The following KCNH7 variants were observed in gnomAD, a reference collection of about 807,000 sequenced individuals.
KCNH7 encodes the protein potassium voltage-gated channel subfamily H member 7.
A neutral mutation model predicts 120.8 loss-of-function variants in KCNH7; 49 were observed. The observed-to-expected ratio is 0.41, with a 90% CI of 0.32 to 0.51. KCNH7 has a LOEUF of 0.51. Among genes scored for constraint, KCNH7 ranks in the 20% least tolerant of loss-of-function variants. The pLI is 0.38. For missense variants in KCNH7, 1,097 were observed against 1,446.6 expected, an observed-to-expected ratio of 0.76 and a Z score of 3.92; for synonymous variants, 547 against 516.1, an observed-to-expected ratio of 1.06 and a Z score of -0.81.
intron 4 of KCNH7, among the ~76,000 whole-genome samples, chr2:162,513,988 A>G (rs1258452847): frequency 1.3e-5 from 2 of 151,818 alleles, no homozygotes; most frequent in African/African-American, 4.8e-5. Context: ...AATATGCATT[A>G]CTAGCTATGA....
chr2:162,679,703 A>C (rs531672710), intron 2 of KCNH7, among the ~76,000 whole-genome samples: 91 of 151,736 alleles, frequency 6.0e-4, no homozygotes, highest in African/African-American at 1.5e-3. Flanking sequence ...AATGCTTTAC[A>C]GTGTTGTTTT....
At chr2:162,826,857 A>G (rs1321414835) in intron 2 of KCNH7, among the ~76,000 whole-genome samples, 1 of 152,152 alleles carries the variant, frequency 6.6e-6, no homozygotes, top group Non-Finnish European at 1.5e-5. Flanking sequence ...GTGTTCCAAT[A>G]GAGAAAAGGA....
At chr2:162,759,221 A>C (rs914468390) in intron 2 of KCNH7, among the ~76,000 whole-genome samples, 10 of 152,238 alleles carry the variant, frequency 6.6e-5, no homozygotes, top group Admixed American at 6.5e-4. Flanking sequence ...TCTGGATTGA[A>C]AGGTAAGAGG....
chr2:162,470,711 T>C (rs57400883), intron 6 of KCNH7, among the ~76,000 whole-genome samples: 29,627 of 151,520 alleles, frequency 0.2, 5,287 homozygotes, highest in African/African-American at 0.47. Context: ...AGTGAGGAGC[T>C]TCTCTGCTCG....
chr2:162,501,004 C>T (rs538914175), intron 6 of KCNH7, among the ~76,000 whole-genome samples: 1 of 152,168 alleles, frequency 6.6e-6, no homozygotes, highest in Non-Finnish European at 1.5e-5. Flanking sequence ...TTGAAGAGCT[C>T]TGCTTTCAAG....
chr2:162,681,985 G>GT (rs1183303623), intron 2 of KCNH7, among the ~76,000 whole-genome samples: 14 of 150,870 alleles, frequency 9.3e-5, no homozygotes, highest in Middle Eastern at 3.4e-3. Flanking sequence ...TTTTTTCTGT[G>GT]TTTTTTTTCA....
chr2:162,637,751 C>T (rs1684012259), intron 2 of KCNH7, among the ~76,000 whole-genome samples: 1 of 151,796 alleles, frequency 6.6e-6, no homozygotes, highest in Non-Finnish European at 1.5e-5. Flanking sequence ...AATTGATGTG[C>T]TGATCTCTAT....
In KCNH7 at chr2:162,836,525, G is replaced by A. The variant is rs1685668913; in HGVS notation, c.307+12C>T. ...GATCAAATAGAAGGAATCCTAAATA[G>A]AGGAATTTTACCATTTTTGTGATAG... On this transcript the variant is annotated intron_variant, in intron 2 of 15. Coordinates refer to ENST00000332142, the MANE Select transcript of KCNH7 (RefSeq NM_033272.4). The A allele has an allele frequency of 6.3e-7, 1 of 1,599,752 alleles. No homozygotes were observed.
At chr2:162,450,337 A>G (rs1197512742) in intron 6 of KCNH7, among the ~76,000 whole-genome samples, 1 of 152,078 alleles carries the variant, frequency 6.6e-6, no homozygotes, top group East Asian at 1.9e-4. Context: ...GGTATGTATA[A>G]CAATGGAGTG....
chr2:162,810,641 T>G (rs1027190043), intron 2 of KCNH7, among the ~76,000 whole-genome samples: 1 of 152,204 alleles, frequency 6.6e-6, no homozygotes, highest in Admixed American at 6.5e-5. Flanking sequence ...TTAGATAATT[T>G]ATGCCAGAAA....
intron 2 of KCNH7, among the ~76,000 whole-genome samples, chr2:162,758,721 G>T (rs1427318012): frequency 6.6e-6 from 1 of 151,954 alleles, no homozygotes; most frequent in Non-Finnish European, 1.5e-5. Flanking sequence ...TATACCAAAG[G>T]CTTTATAATT....
chr2:162,722,401 CAGA>C (rs909535809), intron 2 of KCNH7, among the ~76,000 whole-genome samples: 10 of 151,874 alleles, frequency 6.6e-5, no homozygotes, highest in African/African-American at 2.4e-4. Context: ...TAACAGAAGG[CAGA>C]AGAAGATAAT....
chr2:162,832,241 T>A (rs1352907486), intron 2 of KCNH7, among the ~76,000 whole-genome samples: 1 of 152,086 alleles, frequency 6.6e-6, no homozygotes, highest in African/African-American at 2.4e-5. Context: ...ATAAAATATA[T>A]TTTTGTTCTT....
At chr2:162,693,856 G>A (rs1285241771) in intron 2 of KCNH7, among the ~76,000 whole-genome samples, 1 of 151,940 alleles carries the variant, frequency 6.6e-6, no homozygotes, top group Non-Finnish European at 1.5e-5. Flanking sequence ...AGAAAAAAAG[G>A]AAGACTGGCC....
intron 2 of KCNH7, among the ~76,000 whole-genome samples, chr2:162,833,239 T>G (rs750793762): frequency 6.6e-6 from 1 of 151,996 alleles, no homozygotes; most frequent in South Asian, 2.1e-4. Flanking sequence ...CGTGATGTAC[T>G]CCAAACCAGA....
chr2:162,760,533 A>G (rs534444980), intron 2 of KCNH7, among the ~76,000 whole-genome samples: 18 of 152,192 alleles, frequency 1.2e-4, no homozygotes, highest in Middle Eastern at 6.8e-3. Flanking sequence ...ATAATCACTT[A>G]GTTACCATTA....
chr2:162,470,852 T>C (rs965632269), intron 6 of KCNH7, among the ~76,000 whole-genome samples: 1 of 152,224 alleles, frequency 6.6e-6, no homozygotes, highest in African/African-American at 2.4e-5. Context: ...TTGCTGTGTC[T>C]GTGTAGAAAG....
chr2:162,698,424 G>A (rs1183286963), intron 2 of KCNH7, among the ~76,000 whole-genome samples: 5 of 139,736 alleles, frequency 3.6e-5, no homozygotes, highest in African/African-American at 1.3e-4. Context: ...AACTTTAATC[G>A]CCGTCTTTAT....
At chr2:162,806,793 T>C (rs1684552436) in intron 2 of KCNH7, among the ~76,000 whole-genome samples, 1 of 151,894 alleles carries the variant, frequency 6.6e-6, no homozygotes, top group Admixed American at 6.6e-5. Context: ...AATTAAGGAG[T>C]AGTGATTTTT....
Sources: allele counts gnomAD v4.1 joint callset (sites outside exome capture counted in the v4.1 genomes callset), GRCh38; gene constraint gnomAD v4.1.1; transcripts MANE v1.5; gene names NCBI Gene and HGNC (gene_info 2026-07-23, HGNC 2026-07-21).